SPNS1: variants seen among roughly 807,000 people sequenced by gnomAD.
SPNS1 encodes the protein protein spinster homolog 1.
Under a neutral mutation model 50.3 loss-of-function variants are expected in SPNS1, and 22 were observed. The ratio of observed to expected loss-of-function variants is 0.44; its 90% CI spans 0.31 to 0.62. The LOEUF (loss-of-function observed/expected upper bound fraction) is 0.62. Ranked by LOEUF, SPNS1 falls within the 20% of genes least tolerant of loss-of-function variation. The pLI is 0.07. For missense variants in SPNS1, 576 were observed against 728.6 expected, an observed-to-expected ratio of 0.79 and a Z score of 2.41; for synonymous variants, 295 against 317.4, an observed-to-expected ratio of 0.93 and a Z score of 0.75.
At position 28,974,878 on chromosome 16, in the gene SPNS1, C is replaced by CAGTG. The variant is rs1485348760; in HGVS notation, c.-274_-273insAGTG. ...TCCTACCCCGGGTGAGGGGTGGCCT[C>CAGTG]CGCGTGGGATCGTGCCCTCTTCAGC... is the stretch of plus-strand genomic sequence containing the variant. On this transcript the variant is annotated 5_prime_UTR_variant, in exon 1 of 12. The change abolishes the stop of an existing upstream ORF in the 5' untranslated region. Coordinates refer to ENST00000311008, the MANE Select transcript of SPNS1 (RefSeq NM_032038.3). The CAGTG allele has an allele frequency of 7.8e-6, 12 of 1,534,754 alleles. No homozygotes were observed. The East Asian group carries it at 2.9e-4, about 37-fold the overall frequency.
At position 28,975,013 on chromosome 16, in the gene SPNS1, T is replaced by C; in HGVS notation, c.-139T>C. 1.4e-6 allele frequency: 2 copies of C among 1,439,342 alleles called. No individual in the cohort carries two copies. Among genetic ancestry groups the C allele is most frequent in the South Asian group, 2.9e-5 (2 of 69,440 alleles). 89.2% of individuals were successfully genotyped at this position (1,439,342 alleles called of 1,614,324 possible). ...CGGGTCCCTTCTCAGTGGTGCTCTG[T>C]GCTTCAGGGCAAGCTCCCCGTCTCC... On this transcript the variant is annotated 5_prime_UTR_variant, in exon 1 of 12. Transcript: ENST00000311008.
rs1965561301 is a variant in SPNS1 at position 28,981,745 on chromosome 16, C to T, written c.809+130C>T. On this transcript the variant is annotated intron_variant, in intron 6 of 11. Coordinates refer to ENST00000311008, the MANE Select transcript of SPNS1 (RefSeq NM_032038.3). The surrounding 1 kb of genome is among the most constrained non-coding windows in gnomAD (Gnocchi z 4.2). Reference sequence around the variant, plus strand: ...TTCGGTCGATACTGTCCCCTTGTGGCAGCTGCTTGAATTACAGGCCCAGAT... The same window carrying T: ...TTCGGTCGATACTGTCCCCTTGTGGTAGCTGCTTGAATTACAGGCCCAGAT... The T allele has an allele frequency of 6.7e-7, 1 of 1,489,132 alleles. No individual in the cohort carries two copies. Among genetic ancestry groups the T allele is most frequent in the Non-Finnish European group, 9.1e-7 (1 of 1,096,292 alleles). 92.2% of individuals were successfully genotyped at this position (1,489,132 alleles called of 1,614,324 possible). A position where few individuals can be genotyped will look rare whatever the true frequency, so the allele number is the denominator to read the frequency against.
chr16:28,979,553 C>T, intron 5 of SPNS1, 82 bp downstream of exon 5: 2 of 1,474,384 alleles, frequency 1.4e-6, no homozygotes, highest in Non-Finnish European at 1.9e-6. Flanking sequence ...CTTCCCACCG[C>T]CCATTTTTCT....
In SPNS1 at chr16:28,983,802, G is replaced by T; in HGVS notation, c.1337G>T (p.Arg446Leu). The T allele has an allele frequency of 6.3e-7, 1 of 1,595,394 alleles. No individual in the cohort carries two copies. ...YLIGLISDRL[R>L]RNWPPSFLSE... ...TCCCTGCAGATCTCTGACCGCCTGC[G>T]CCGGAACTGGCCCCCCTCCTTCTTG... Residue 446 changes from arginine to leucine, a missense_variant, in exon 11 of 12, where the codon CGC becomes CTC. Coordinates refer to ENST00000311008, the MANE Select transcript of SPNS1 (RefSeq NM_032038.3). The surrounding 1 kb of genome is among the most constrained non-coding windows in gnomAD (Gnocchi z 5.4).
rs903959290 is a variant in SPNS1 at position 28,979,232 on chromosome 16, C to T, written c.522C>T (p.Leu174=). ...EASYSTIAPT[L]IADLFVADQR... is the part of the protein sequence containing the mutation. Reference sequence around the variant, plus strand: ...GTTATTCCACCATCGCGCCCACTCTCATTGCCGACCTCTTTGTGGCCGACC... The same window carrying T: ...GTTATTCCACCATCGCGCCCACTCTTATTGCCGACCTCTTTGTGGCCGACC... Residue 174 remains leucine, a synonymous_variant, in exon 4 of 12, where the codon CTC becomes CTT. Transcript: ENST00000311008. 10 of 1,614,226 alleles carry T rather than the reference C, an allele frequency of 6.2e-6. No individual in the cohort carries two copies. The East Asian group carries it at 2.0e-4, about 32-fold the overall frequency.
At chr16:28,977,354 A>T (rs1965380648) in intron 2 of SPNS1, among the ~76,000 whole-genome samples, 1 of 149,750 alleles carries the variant, frequency 6.7e-6, no homozygotes. Context: ...TAAATGTGAG[A>T]GTCAGGTACT....
At chr16:28,978,092 C>T (rs368432030) in intron 3 of SPNS1, 48 bp downstream of exon 3, 1 of 1,594,458 alleles carries the variant, frequency 6.3e-7, no homozygotes, top group African/African-American at 1.3e-5. Context: ...CCCTCCCTGT[C>T]AGTCTCTGCT....
chr16:28,979,542 C>T, intron 5 of SPNS1, 71 bp downstream of exon 5: 1 of 1,521,354 alleles, frequency 6.6e-7, no homozygotes. Flanking sequence ...CCTTTGGACC[C>T]CTTCCCACCG....
chr16:28,983,997 C>A lies in SPNS1; in HGVS notation c.1492+40C>A. 1 of 1,523,670 alleles carries A rather than the reference C, an allele frequency of 6.6e-7. No homozygotes were observed. Among genetic ancestry groups the A allele is most frequent in the Non-Finnish European group, 8.8e-7 (1 of 1,140,400 alleles). 94.4% of individuals were successfully genotyped at this position (1,523,670 alleles called of 1,614,324 possible). Reference sequence around the variant, plus strand: ...GTGCCCGGCCCAGCTTCTTGATCTGCCTGTCTGTCTGTCCATCTGTCTGCC... The same window carrying A: ...GTGCCCGGCCCAGCTTCTTGATCTGACTGTCTGTCTGTCCATCTGTCTGCC... On this transcript the variant is annotated intron_variant, in intron 11 of 11. Transcript: ENST00000311008. The surrounding 1 kb of genome is among the most constrained non-coding windows in gnomAD (Gnocchi z 5.4).
chr16:28,981,378 A>G lies in SPNS1; in HGVS notation c.664-92A>G, dbSNP rs1045363514. 6.6e-7 allele frequency: 1 copy of G among 1,519,208 alleles called. No individual in the cohort carries two copies. Among genetic ancestry groups the G allele is most frequent in the Non-Finnish European group, 9.0e-7 (1 of 1,116,124 alleles). 94.1% of individuals were successfully genotyped at this position (1,519,208 alleles called of 1,614,324 possible). A position where few individuals can be genotyped will look rare whatever the true frequency, so the allele number is the denominator to read the frequency against. Reference sequence around the variant, plus strand: ...CACTTAACTGGGTATTTTAGGTCTCAGGCTGGAGTTATCTGTACCCCACAC... The same window carrying G: ...CACTTAACTGGGTATTTTAGGTCTCGGGCTGGAGTTATCTGTACCCCACAC... On this transcript the variant is annotated intron_variant, in intron 5 of 11. Coordinates refer to ENST00000311008, the MANE Select transcript of SPNS1 (RefSeq NM_032038.3). This position sits in a 1 kb window ranked among gnomAD's most constrained non-coding sequence, Gnocchi z 4.2.
At chr16:28,978,419 G>A in intron 3 of SPNS1, 1 of 194,066 alleles carries the variant, frequency 5.2e-6, no homozygotes, top group Non-Finnish European at 1.1e-5. Flanking sequence ...CACTCTGCCT[G>A]CACTTCCTCA....
At chr16:28,975,814 A>G (rs1200081057) in intron 2 of SPNS1, among the ~76,000 whole-genome samples, 1 of 152,184 alleles carries the variant, frequency 6.6e-6, no homozygotes, top group East Asian at 1.9e-4. Flanking sequence ...TTATTGTGTG[A>G]TGGTAGGCAA....
Position 28,975,326 on chromosome 16 carries a change from G to C in SPNS1, c.175G>C (p.Ala59Pro). The change falls in exon 1 of 12, where the codon GCT (alanine) becomes CCT (proline). Residue 59 changes from alanine to proline, a missense_variant. Coordinates refer to ENST00000311008, the MANE Select transcript of SPNS1 (RefSeq NM_032038.3). ...RITGLSPGRS[A>P]LIVAVLCYIN... ...CACCGGCCTGTCTCCCGGCCGTTCGGCTCTCATAGTGGCGGTGCTGTGCTA... is the reference window on the plus strand; with the variant it reads ...CACCGGCCTGTCTCCCGGCCGTTCGCCTCTCATAGTGGCGGTGCTGTGCTA... The C allele has an allele frequency of 6.3e-7, 1 of 1,586,876 alleles. No homozygotes were observed. Among genetic ancestry groups the C allele is most frequent in the African/African-American group, 1.3e-5 (1 of 74,592 alleles).
chr16:28,981,687 T>G lies in SPNS1; in HGVS notation c.809+72T>G. On this transcript the variant is annotated intron_variant, in intron 6 of 11. Coordinates refer to ENST00000311008, the MANE Select transcript of SPNS1 (RefSeq NM_032038.3). The surrounding 1 kb of genome is among the most constrained non-coding windows in gnomAD (Gnocchi z 4.2). ...CTGGTTTGAGGTTTAAGTGGGGATG[T>G]TCCTGTTCCTGGCCACACCCCAAGG... 1 of 1,577,992 alleles carries G rather than the reference T, an allele frequency of 6.3e-7. No homozygotes were observed. The highest frequency in any genetic ancestry group is 8.6e-7 in the Non-Finnish European group (1 of 1,159,464).
chr16:28,982,944 G>A, intron 9 of SPNS1, 22 bp downstream of exon 9: 2 of 1,613,382 alleles, frequency 1.2e-6, no homozygotes, highest in Non-Finnish European at 1.7e-6. Context: ...GGCAGCTCCA[G>A]GGTCAGCGCA....
At chr16:28,984,639 G>A, downstream of SPNS1, 1 of 616,726 alleles carries the variant, frequency 1.6e-6, no homozygotes, top group Non-Finnish European at 2.9e-6. Context: ...CATTCCTCAG[G>A]GCTCTGGGTG....
chr16:28,984,562 G>A (rs1270910562), downstream of SPNS1: 6 of 616,192 alleles, frequency 9.7e-6, no homozygotes, highest in Admixed American at 5.5e-5. Context: ...GCCTGCTCTC[G>A]TCTTTCTCTG....
chr16:28,979,620 A>G, intron 5 of SPNS1, 149 bp downstream of exon 5: 1 of 783,584 alleles, frequency 1.3e-6, no homozygotes, highest in Admixed American at 2.1e-5. Flanking sequence ...GTGCAGTCAT[A>G]GCTCACTGTA....
intron 5 of SPNS1, 117 bp downstream of exon 5, chr16:28,979,588 T>A: frequency 9.2e-7 from 1 of 1,090,046 alleles, no homozygotes; most frequent in African/African-American, 1.5e-5. Context: ...TCTTGTTGTG[T>A]CACCCAGGCT....
Sources: allele counts gnomAD v4.1 joint callset (sites outside exome capture counted in the v4.1 genomes callset), GRCh38; gene constraint gnomAD v4.1.1; non-coding constraint Gnocchi (gnomAD v3.1); transcripts MANE v1.5; gene names NCBI Gene and HGNC (gene_info 2026-07-23, HGNC 2026-07-21).